SEPTIN9: variants seen among roughly 807,000 people sequenced by gnomAD.
SEPTIN9 encodes the protein septin 9.
A neutral mutation model predicts 56.6 loss-of-function variants in SEPTIN9; 13 were observed. The ratio of observed to expected loss-of-function variants is 0.23; its 90% CI spans 0.15 to 0.37. The LOEUF (loss-of-function observed/expected upper bound fraction) is 0.37, where lower values mean the gene tolerates loss of function less well. SEPTIN9 is among the 10% of genes least tolerant of loss of function. The pLI is 1.00. For missense variants in SEPTIN9, 650 were observed against 823.1 expected (o/e 0.79, Z 2.57); for synonymous variants, 332 against 334.1 (o/e 0.99, Z 0.07).
At chr17:77,362,946 A>G (rs758354536) in intron 2 of SEPTIN9, among the ~76,000 whole-genome samples, 1 of 152,192 alleles carries the variant, frequency 6.6e-6, no homozygotes, top group South Asian at 2.1e-4. Context: ...GGCAGAGGGA[A>G]CAGGATAGGG....
intron 10 of SEPTIN9, among the ~76,000 whole-genome samples, chr17:77,496,794 G>A (rs1366827204): frequency 6.6e-6 from 1 of 152,262 alleles, no homozygotes; most frequent in East Asian, 1.9e-4. Context: ...CTGTGTGTGT[G>A]TGCTCTGAGC....
intron 3 of SEPTIN9, among the ~76,000 whole-genome samples, chr17:77,427,493 G>T (rs368823900): frequency 6.6e-6 from 1 of 152,166 alleles, no homozygotes; most frequent in African/African-American, 2.4e-5. Context: ...CCCGTCCTCC[G>T]GGCTCTGGCA....
intron 3 of SEPTIN9, among the ~76,000 whole-genome samples, chr17:77,478,649 C>G (rs902313937): frequency 2.0e-5 from 3 of 151,924 alleles, no homozygotes; most frequent in Non-Finnish European, 4.4e-5. Flanking sequence ...TCTACTAAAA[C>G]AAAATTAGCC....
At chr17:77,408,255 T>C (rs1370544028) in intron 3 of SEPTIN9, among the ~76,000 whole-genome samples, 1 of 152,236 alleles carries the variant, frequency 6.6e-6, no homozygotes, top group African/African-American at 2.4e-5. Flanking sequence ...GGCTGGGGGC[T>C]GAGCTCTCAT....
chr17:77,402,427 A>G lies in SEPTIN9; in HGVS notation c.445A>G (p.Arg149Gly). Residue 149 changes from arginine (R) to glycine (G), a missense_variant, in exon 3 of 12, where the codon AGG (arginine) becomes GGG (glycine). Coordinates refer to ENST00000427177, the MANE Select transcript of SEPTIN9 (RefSeq NM_001113491.2). This position sits in a 1 kb window ranked among gnomAD's most constrained non-coding sequence, Gnocchi z 6.6. ...CAAGACGCCAGAACCGGCCCCTCGG[A>G]GGACGGAGATCACCATCGTCAAACC... ...GHKTPEPAPR[R>G]TEITIVKPQE... 1.9e-6 allele frequency: 3 copies of G among 1,610,924 alleles called. No homozygotes were observed. The highest frequency in any genetic ancestry group is 2.5e-6 in the Non-Finnish European group (3 of 1,178,994).
Position 77,450,675 on chromosome 17 carries a change from G to A in SEPTIN9, c.722-31469G>A. On this transcript the variant is annotated intron_variant, in intron 3 of 11. Coordinates refer to ENST00000427177, the MANE Select transcript of SEPTIN9 (RefSeq NM_001113491.2). This position sits in a 1 kb window ranked among gnomAD's most constrained non-coding sequence, Gnocchi z 6.0. ...CAGCACATCCCAGGCCTGCAGGGAGGGGGAGAGGAAGAGACTGACTCACTG... is the reference window on the plus strand; with the variant it reads ...CAGCACATCCCAGGCCTGCAGGGAGAGGGAGAGGAAGAGACTGACTCACTG... The A allele has an allele frequency of 1.0e-6, 1 of 986,284 alleles. No individual in the cohort carries two copies. The highest frequency in any genetic ancestry group is 1.2e-6 in the Non-Finnish European group (1 of 830,680). 61.1% of individuals were successfully genotyped at this position (986,284 alleles called of 1,614,324 possible).
rs1400305724 is a variant in SEPTIN9, at chr17:77,356,891, G to A, written c.77-45168G>A. ...CTGGCTGTCATGACGGACTGTTGGTGGGAGAGGGGAAGGCGCCGTGGTAGG... is the reference window on the plus strand; with the variant it reads ...CTGGCTGTCATGACGGACTGTTGGTAGGAGAGGGGAAGGCGCCGTGGTAGG... On this transcript the variant is annotated intron_variant, in intron 2 of 11. Transcript: ENST00000427177. Among the ~76,000 whole-genome samples the A allele has an allele frequency of 3.3e-5, 5 of 149,918 alleles. No individual in the cohort carries two copies. In the East Asian group the frequency reaches 6.2e-4, roughly 18 times the overall value.
Position 77,475,875 on chromosome 17 carries a change from C to A in SEPTIN9, c.722-6269C>A, listed in dbSNP as rs955834413. ...AGGAGGAGGATGACCTTGCATTCTG[C>A]TTGGCCACCATTGGCAGTGACAGAC... On this transcript the variant is annotated intron_variant, in intron 3 of 11. Transcript: ENST00000427177. The surrounding 1 kb of genome is among the most constrained non-coding windows in gnomAD (Gnocchi z 4.6). 1.3e-5 allele frequency: 21 copies of A among 1,612,258 alleles called. No individual in the cohort carries two copies. The highest frequency in any genetic ancestry group is 1.7e-5 in the Non-Finnish European group (20 of 1,178,974).
At chr17:77,336,373 C>T (rs1322578030) in intron 2 of SEPTIN9, among the ~76,000 whole-genome samples, 1 of 151,908 alleles carries the variant, frequency 6.6e-6, no homozygotes, top group Admixed American at 6.6e-5. Flanking sequence ...GGTATATCTC[C>T]GTTTTAAAGG....
intron 3 of SEPTIN9, among the ~76,000 whole-genome samples, chr17:77,448,120 C>G (rs1436877450): frequency 6.6e-6 from 1 of 152,128 alleles, no homozygotes; most frequent in Non-Finnish European, 1.5e-5. Context: ...AGGTTCAAAT[C>G]ATAATATGGT....
rs961557631 is a variant in SEPTIN9 at position 77,435,445 on chromosome 17, T to C, written c.721+32742T>C. Reference sequence around the variant, plus strand: ...TCTGTTTCCTCCTCTCCTCTGAACCTGCCAGCCTGTGCTCAGGCAGGGGGA... The same window carrying C: ...TCTGTTTCCTCCTCTCCTCTGAACCCGCCAGCCTGTGCTCAGGCAGGGGGA... On this transcript the variant is annotated intron_variant, in intron 3 of 11. Transcript: ENST00000427177. The surrounding 1 kb of genome is among the most constrained non-coding windows in gnomAD (Gnocchi z 4.5). Among the ~76,000 whole-genome samples the C allele has an allele frequency of 3.3e-5, 5 of 152,148 alleles. No homozygotes were observed. Among genetic ancestry groups the C allele is most frequent in the Non-Finnish European group, 7.4e-5 (5 of 68,026 alleles).
intron 4 of SEPTIN9, among the ~76,000 whole-genome samples, chr17:77,485,174 T>G: frequency 4.2e-5 from 6 of 143,598 alleles, no homozygotes; most frequent in African/African-American, 1.1e-4. Flanking sequence ...GTAATGTGGG[T>G]GATGGTGATT....
intron 3 of SEPTIN9, among the ~76,000 whole-genome samples, chr17:77,460,538 C>T (rs912512991): frequency 6.6e-6 from 1 of 152,180 alleles, no homozygotes; most frequent in African/African-American, 2.4e-5. Flanking sequence ...TCCTGGCTGG[C>T]GTGGCTGGGG....
chr17:77,340,483 T>G (rs1190877368), intron 2 of SEPTIN9, among the ~76,000 whole-genome samples: 1 of 152,144 alleles, frequency 6.6e-6, no homozygotes, highest in African/African-American at 2.4e-5. Flanking sequence ...TGTAAACAGA[T>G]GTGCTGTCAA....
rs1217978070 is a variant in SEPTIN9 at position 77,402,373 on chromosome 17, G to A, written c.391G>A (p.Gly131Arg). The change falls in exon 3 of 12, where the codon GGG (glycine) becomes AGG (arginine). Residue 131 changes from glycine (G) to arginine (R), a missense_variant. Physicochemically the swap from Gly to Arg is moderately radical, Grantham distance 125. Transcript: ENST00000427177. This position sits in a 1 kb window ranked among gnomAD's most constrained non-coding sequence, Gnocchi z 6.6. ...NAGAIGPSRF[G>R]LKRAEVLGHK... ...CGGGGCCATCGGCCCGTCCCGGTTC[G>A]GGCTCAAGAGGGCCGAGGTGTTGGG... 4 of 1,611,766 alleles carry A rather than the reference G, an allele frequency of 2.5e-6. No homozygotes were observed. Among genetic ancestry groups the A allele is most frequent in the Admixed American group, 1.7e-5 (1 of 59,894 alleles).
chr17:77,303,016 C>T (rs1293959005), intron 1 of SEPTIN9, among the ~76,000 whole-genome samples: 1 of 152,090 alleles, frequency 6.6e-6, no homozygotes, highest in Non-Finnish European at 1.5e-5. Context: ...TTTCTTTCTG[C>T]TTGGAACGCC....
intron 2 of SEPTIN9, chr17:77,373,713 C>G: frequency 7.5e-7 from 1 of 1,326,104 alleles, no homozygotes. Flanking sequence ...CCGCGCGCCC[C>G]CGGCCCCGTG....
intron 3 of SEPTIN9, among the ~76,000 whole-genome samples, chr17:77,467,694 C>T (rs1199592345): frequency 6.6e-6 from 1 of 152,198 alleles, no homozygotes; most frequent in Non-Finnish European, 1.5e-5. Flanking sequence ...CACAGGCGGC[C>T]ACACACCGAA....
At chr17:77,297,751 T>C (rs1217607441) in intron 1 of SEPTIN9, among the ~76,000 whole-genome samples, 9 of 152,242 alleles carry the variant, frequency 5.9e-5, no homozygotes, top group Admixed American at 2.6e-4. Context: ...GGAGTTTACA[T>C]GCAGTAGAAG....
Sources: allele counts gnomAD v4.1 joint callset (sites outside exome capture counted in the v4.1 genomes callset), GRCh38; gene constraint gnomAD v4.1.1; non-coding constraint Gnocchi (gnomAD v3.1); transcripts MANE v1.5; gene names NCBI Gene and HGNC (gene_info 2026-07-23, HGNC 2026-07-21).